RYR3: variants seen among roughly 807,000 people sequenced by gnomAD.
RYR3 encodes the protein brain ryanodine receptor-calcium release channel.
RYR3 carries 207 observed loss-of-function variants against 584.3 expected under a neutral mutation model. The ratio of observed to expected loss-of-function variants is 0.35; its 90% CI spans 0.32 to 0.40. The LOEUF (loss-of-function observed/expected upper bound fraction) is 0.40, where lower values mean the gene tolerates loss of function less well. Ranked by LOEUF, RYR3 falls within the 10% of genes least tolerant of loss-of-function variation. The pLI is 1.00. For missense variants in RYR3, 5,616 were observed against 6,089.2 expected, an observed-to-expected ratio of 0.92 and a Z score of 2.59; for synonymous variants, 2,416 against 2,248.5, an observed-to-expected ratio of 1.07 and a Z score of -2.11.
At chr15:33,511,294 AC>A (rs1183333077) in intron 3 of RYR3, among the ~76,000 whole-genome samples, 3 of 150,200 alleles carry the variant, frequency 2.0e-5, no homozygotes, top group African/African-American at 7.4e-5. Flanking sequence ...CAAAATATTT[AC>A]CAGGTAGGAA....
intron 65 of RYR3, among the ~76,000 whole-genome samples, chr15:33,784,363 G>A (rs1476911631): frequency 1.3e-5 from 2 of 152,144 alleles, no homozygotes; most frequent in Non-Finnish European, 2.9e-5. Flanking sequence ...AGAGAAGAAA[G>A]ACCTCAAGCC....
At chr15:33,665,155 C>T (rs1202884591) in intron 36 of RYR3, among the ~76,000 whole-genome samples, 1 of 152,152 alleles carries the variant, frequency 6.6e-6, no homozygotes, top group Admixed American at 6.5e-5. Flanking sequence ...CTGGCTCTTT[C>T]ATATGTATTT....
chr15:33,357,676 C>T (rs998097401), intron 1 of RYR3, among the ~76,000 whole-genome samples: 1 of 152,132 alleles, frequency 6.6e-6, no homozygotes, highest in African/African-American at 2.4e-5. Flanking sequence ...CCTTTACTTT[C>T]TTAATAAACT....
chr15:33,508,619 C>A (rs1567402758), intron 3 of RYR3, among the ~76,000 whole-genome samples: 1 of 152,156 alleles, frequency 6.6e-6, no homozygotes, highest in Non-Finnish European at 1.5e-5. Context: ...CACTGCACTC[C>A]AGACTGGGCG....
intron 1 of RYR3, among the ~76,000 whole-genome samples, chr15:33,458,426 C>T (rs530826216): frequency 1.6e-4 from 24 of 152,230 alleles, no homozygotes; most frequent in Middle Eastern, 3.2e-3. Flanking sequence ...ATGTCACCAG[C>T]TTTCCTGGTT....
chr15:33,701,828 G>A (rs2066325755), intron 42 of RYR3, among the ~76,000 whole-genome samples: 1 of 152,150 alleles, frequency 6.6e-6, no homozygotes, highest in African/African-American at 2.4e-5. Context: ...CATTGTTGGG[G>A]AAGCATGCCA....
chr15:33,577,627 T>A lies in RYR3; in HGVS notation c.1269-2349T>A, dbSNP rs549956663. ...TATACAAAAATTAACTCAAGATGGA[T>A]TAAAGACTTCAATGTAAGACCCAAA... is the stretch of plus-strand genomic sequence containing the variant. On this transcript the variant is annotated intron_variant, in intron 12 of 103. Coordinates refer to ENST00000634891, the MANE Select transcript of RYR3 (RefSeq NM_001036.6). Among the ~76,000 whole-genome samples the A allele has an allele frequency of 9.9e-5, 15 of 152,284 alleles. No individual in the cohort carries two copies. In the South Asian group the frequency reaches 3.1e-3, roughly 32 times the overall value.
At chr15:33,783,834 G>T (rs1337820190) in intron 65 of RYR3, among the ~76,000 whole-genome samples, 3 of 152,150 alleles carry the variant, frequency 2.0e-5, no homozygotes. Context: ...TTGTTGTCCT[G>T]CTGCAAGATG....
chr15:33,768,593 G>T, intron 60 of RYR3, 65 bp from the exon 61 acceptor site: 1 of 1,357,696 alleles, frequency 7.4e-7, no homozygotes, highest in Non-Finnish European at 1.1e-6. Context: ...CATTGGGGTG[G>T]GGGATACAAA....
At chr15:33,370,584 C>T (rs78512350) in intron 1 of RYR3, among the ~76,000 whole-genome samples, 11 of 152,002 alleles carry the variant, frequency 7.2e-5, no homozygotes, top group South Asian at 4.1e-4. Context: ...ACAAAGTAAA[C>T]GTATTGGACA....
intron 1 of RYR3, among the ~76,000 whole-genome samples, chr15:33,395,160 T>C (rs2596192): frequency 0.084 from 12,735 of 152,242 alleles, 1,767 homozygotes; most frequent in African/African-American, 0.29. Context: ...AGATGGTGTG[T>C]GATTTTAAAA....
intron 1 of RYR3, among the ~76,000 whole-genome samples, chr15:33,446,225 GGACCAGGCAA>G (rs2046648651): frequency 6.6e-6 from 1 of 152,146 alleles, no homozygotes; most frequent in South Asian, 2.1e-4. Context: ...CTCCTCGCAA[GGACCAGGCAA>G]GAGATTGAGA....
chr15:33,500,059 T>C (rs2051827384), intron 2 of RYR3, among the ~76,000 whole-genome samples: 1 of 152,204 alleles, frequency 6.6e-6, no homozygotes, highest in African/African-American at 2.4e-5. Flanking sequence ...GGACACAGGA[T>C]CTGTTCAAGA....
chr15:33,590,999 GA>G (rs1329944154), intron 16 of RYR3, among the ~76,000 whole-genome samples: 1 of 152,158 alleles, frequency 6.6e-6, no homozygotes, highest in Non-Finnish European at 1.5e-5. Flanking sequence ...AGTTATAGGG[GA>G]AGAACACAGT....
chr15:33,435,477 G>C (rs577953927), intron 1 of RYR3, among the ~76,000 whole-genome samples: 9 of 152,236 alleles, frequency 5.9e-5, no homozygotes, highest in African/African-American at 2.2e-4. Context: ...GTGTGTGTGT[G>C]CTATTTCACA....
rs10578832 is a variant in RYR3, at chr15:33,602,733, C to CTTTTTT, written c.1923-366_1923-361dup. On this transcript the variant is annotated intron_variant, in intron 17 of 103. Transcript: ENST00000634891. ...TTGAGGGTCCTAAGCTTTTTCTAGT[C>CTTTTTT]TTTTTTTTTTTTTTTTTTTTTTTTT... Among the ~76,000 whole-genome samples the CTTTTTT allele has an allele frequency of 9.3e-5, 7 of 75,200 alleles. 2 individuals carry two copies. The highest frequency in any genetic ancestry group is 2.3e-4 in the African/African-American group (4 of 17,696). 49.3% of individuals were successfully genotyped at this position (75,200 alleles called of 152,430 possible).
chr15:33,800,396 A>G (rs897823642), intron 67 of RYR3, among the ~76,000 whole-genome samples: 12 of 152,316 alleles, frequency 7.9e-5, no homozygotes, highest in African/African-American at 2.6e-4. Context: ...CTAGCCTTAT[A>G]TATTAAAGGA....
chr15:33,626,581 C>T (rs754426053), intron 20 of RYR3, among the ~76,000 whole-genome samples: 1 of 152,144 alleles, frequency 6.6e-6, no homozygotes, highest in Non-Finnish European at 1.5e-5. Flanking sequence ...AAAATGTCTC[C>T]AAGGCATGTC....
chr15:33,642,005 A>G (rs4779624), intron 27 of RYR3, among the ~76,000 whole-genome samples: 150,571 of 152,300 alleles, frequency 0.99, 74,449 homozygotes, highest in Middle Eastern at 1. Flanking sequence ...CATTTTTGTC[A>G]CTTGCCCTTC....
Sources: allele counts gnomAD v4.1 joint callset (sites outside exome capture counted in the v4.1 genomes callset), GRCh38; gene constraint gnomAD v4.1.1; transcripts MANE v1.5; gene names NCBI Gene and HGNC (gene_info 2026-07-23, HGNC 2026-07-21).